Variants in ANK2 observed in about 807,000 individuals in gnomAD.
ANK2 encodes ankyrin 2.
In ANK2, 83 loss-of-function variants were observed where a neutral mutation model predicts 360.5. The ratio of observed to expected loss-of-function variants is 0.23; its 90% CI spans 0.19 to 0.28. ANK2 has a LOEUF of 0.28. Among genes scored for constraint, ANK2 ranks in the 10% least tolerant of loss-of-function variants. The pLI is 1.00. For synonymous variants in ANK2, 1,740 were observed against 1,759.5 expected (o/e 0.99, Z 0.28); for missense variants, 4,201 against 4,795.7 (o/e 0.88, Z 3.66).
At chr4:112,747,196 G>A in the ANK2 span, among the ~76,000 whole-genome samples, 1 of 152,302 alleles carries the variant, frequency 6.6e-6, no homozygotes, top group African/African-American at 2.4e-5. Context: ...TTCAAAGTGG[G>A]AAATTCTTTT....
At chr4:112,734,972 T>A in the ANK2 span, among the ~76,000 whole-genome samples, 6 of 152,030 alleles carry the variant, frequency 3.9e-5, no homozygotes, top group African/African-American at 1.2e-4. Flanking sequence ...TACATCATAA[T>A]GTGATCTTAT....
chr4:113,311,823 G>A (rs1476842100), intron 24 of ANK2, among the ~76,000 whole-genome samples: 1 of 152,130 alleles, frequency 6.6e-6, no homozygotes, highest in Non-Finnish European at 1.5e-5. Flanking sequence ...TGTGAATAAA[G>A]TATGTTGTGA....
At chr4:112,947,346 C>A (rs1279519033) in intron 2 of ANK2, among the ~76,000 whole-genome samples, 1 of 152,078 alleles carries the variant, frequency 6.6e-6, no homozygotes, top group African/African-American at 2.4e-5. Context: ...AGTTATGCTA[C>A]AAAATGACTA....
At chr4:113,163,311 C>T (rs908819522) in intron 1 of ANK2, among the ~76,000 whole-genome samples, 1 of 152,040 alleles carries the variant, frequency 6.6e-6, no homozygotes, top group South Asian at 2.1e-4. Context: ...TGTAAATTGT[C>T]ACAAATATGC....
At chr4:113,024,104 C>CAT (rs1427830807) in intron 2 of ANK2, among the ~76,000 whole-genome samples, 1 of 152,070 alleles carries the variant, frequency 6.6e-6, no homozygotes, top group South Asian at 2.1e-4. Flanking sequence ...TAGCACAGTA[C>CAT]ATAGGCTCAT....
intron 14 of ANK2, among the ~76,000 whole-genome samples, chr4:113,272,621 A>G (rs907064856): frequency 2.0e-5 from 3 of 152,016 alleles, no homozygotes; most frequent in African/African-American, 7.2e-5. Context: ...CTATTTTTTA[A>G]CTTTTTTTTT....
At chr4:113,247,681 A>G (rs890587963) in intron 9 of ANK2, among the ~76,000 whole-genome samples, 2 of 152,198 alleles carry the variant, frequency 1.3e-5, no homozygotes, top group African/African-American at 4.8e-5. Flanking sequence ...TCTCCACTCT[A>G]TGTATCACGA....
intron 1 of ANK2, among the ~76,000 whole-genome samples, chr4:113,058,789 G>C (rs2071526900): frequency 6.6e-6 from 1 of 152,160 alleles, no homozygotes; most frequent in Admixed American, 6.6e-5. Flanking sequence ...TAGTAGTTTA[G>C]AGATGCCATT....
intron 2 of ANK2, among the ~76,000 whole-genome samples, chr4:113,005,224 A>G (rs2154289206): frequency 6.6e-6 from 1 of 151,940 alleles, no homozygotes; most frequent in East Asian, 2.0e-4. Context: ...TGACCCAGCA[A>G]TTCCACCATT....
At position 113,358,688 on chromosome 4, in the gene ANK2, T is replaced by C. The variant is rs1268005912; in HGVS notation, c.10070T>C (p.Val3357Ala). Reference protein sequence around the residue: ...KLPVKVPLQRVEQQLSDLDTS... With the variant: ...KLPVKVPLQRAEQQLSDLDTS... ...CCTGTCAAAGTACCCCTCCAAAGAG[T>C]TGAACAGCAGCTCTCAGATCTAGAC... Residue 3357 changes from valine to alanine, a missense_variant, in exon 38 of 46, where the codon GTT (valine) becomes GCT (alanine). Coordinates refer to ENST00000357077, the MANE Select transcript of ANK2 (RefSeq NM_001148.6). 6.2e-7 allele frequency: 1 copy of C among 1,613,356 alleles called. No homozygotes were observed. The highest frequency in any genetic ancestry group is 1.3e-5 in the African/African-American group (1 of 74,652).
At chr4:113,043,423 C>A (rs2063455648) in intron 2 of ANK2, among the ~76,000 whole-genome samples, 1 of 151,468 alleles carries the variant, frequency 6.6e-6, no homozygotes, top group Non-Finnish European at 1.5e-5. Context: ...GTGTACATTC[C>A]AACAAATACC....
intron 1 of ANK2, among the ~76,000 whole-genome samples, chr4:113,146,721 A>C (rs1373865724): frequency 6.7e-6 from 1 of 149,708 alleles, no homozygotes; most frequent in African/African-American, 2.5e-5. Context: ...GGATTTTCAT[A>C]TTTGCTGGAG....
the ANK2 span, among the ~76,000 whole-genome samples, chr4:112,790,699 G>A: frequency 6.6e-6 from 1 of 152,012 alleles, no homozygotes; most frequent in African/African-American, 2.4e-5. Context: ...TATTGACCAG[G>A]CTGGTCTCGA....
intron 1 of ANK2, among the ~76,000 whole-genome samples, chr4:113,067,244 A>G (rs1469005520): frequency 6.6e-6 from 1 of 152,126 alleles, no homozygotes; most frequent in Non-Finnish European, 1.5e-5. Context: ...ATGAACTAAG[A>G]TGTAGCAGTA....
At chr4:112,807,967 G>A in the ANK2 span, among the ~76,000 whole-genome samples, 3,549 of 152,272 alleles carry the variant, frequency 0.023, 119 homozygotes, top group African/African-American at 0.079. Flanking sequence ...ATCTCATCAG[G>A]ATTTATATAA....
chr4:112,838,188 T>C (rs2061392751), intron 1 of ANK2, among the ~76,000 whole-genome samples: 2 of 152,172 alleles, frequency 1.3e-5, no homozygotes, highest in African/African-American at 4.8e-5. Context: ...GGTTTTAAAG[T>C]GTGGCACTTC....
intron 1 of ANK2, among the ~76,000 whole-genome samples, chr4:112,840,857 C>G (rs2061941513): frequency 6.6e-6 from 1 of 152,158 alleles, no homozygotes; most frequent in Non-Finnish European, 1.5e-5. Flanking sequence ...GAGTGTGATG[C>G]AGAATGTAAG....
At chr4:113,247,040 A>T (rs75153632) in intron 9 of ANK2, among the ~76,000 whole-genome samples, 96,564 of 151,198 alleles carry the variant, frequency 0.64, 31,606 homozygotes, top group South Asian at 0.77. Context: ...GAGAGGGGGG[A>T]AGATATGAAA....
At chr4:112,956,275 A>C (rs2154255955) in intron 2 of ANK2, among the ~76,000 whole-genome samples, 1 of 152,340 alleles carries the variant, frequency 6.6e-6, no homozygotes. Flanking sequence ...AACTAGCACA[A>C]ATTTCATTTT....
Sources: gnomAD v4.1 joint callset for allele counts (sites outside exome capture counted in the v4.1 genomes callset) on GRCh38, gnomAD v4.1.1 for gene constraint, MANE v1.5 for transcripts, NCBI Gene and HGNC (gene_info 2026-07-23, HGNC 2026-07-21) for gene names.